Variants in AKAIN1 observed in about 807,000 individuals in gnomAD.
The protein encoded by AKAIN1 is A-kinase anchor protein inhibitor 1.
AKAIN1 carries 3 observed loss-of-function variants against 3.7 expected under a neutral mutation model. That is an observed-to-expected ratio of 0.82 (90% CI 0.37 to 2.12). The LOEUF is 2.12. AKAIN1 is among the 30% of genes most tolerant of loss of function. AKAIN1 has a pLI of 0.06. For synonymous variants in AKAIN1, 31 were observed against 30.8 expected, an observed-to-expected ratio of 1.01 and a Z score of -0.02; for missense variants, 82 against 82.7, an observed-to-expected ratio of 0.99 and a Z score of 0.03.
chr18:5,186,709 G>C (rs1212971374), intron 1 of AKAIN1, among the ~76,000 whole-genome samples: 1 of 152,092 alleles, frequency 6.6e-6, no homozygotes, highest in Non-Finnish European at 1.5e-5. Flanking sequence ...GACATTTATA[G>C]AGCATTCCAC....
intron 1 of AKAIN1, among the ~76,000 whole-genome samples, chr18:5,180,217 C>T (rs1567878000): frequency 6.6e-6 from 1 of 152,138 alleles, no homozygotes; most frequent in African/African-American, 2.4e-5. Context: ...TAGCAGAGTA[C>T]ATAGTTCACA....
At chr18:5,185,740 G>A (rs2071283609) in intron 1 of AKAIN1, among the ~76,000 whole-genome samples, 1 of 152,110 alleles carries the variant, frequency 6.6e-6, no homozygotes, top group South Asian at 2.1e-4. Context: ...ATACACTCCT[G>A]GTAGGAGTGT....
intron 1 of AKAIN1, among the ~76,000 whole-genome samples, chr18:5,187,211 G>GA (rs1322368516): frequency 2.0e-5 from 3 of 151,952 alleles, no homozygotes; most frequent in African/African-American, 4.8e-5. Context: ...TTGAAAACAG[G>GA]AAAAACAATA....
intron 1 of AKAIN1, chr18:5,163,805 G>A (rs550772070): frequency 1.8e-4 from 27 of 152,096 alleles, no homozygotes; most frequent in Non-Finnish European, 3.5e-4. Flanking sequence ...CAGGTGAATC[G>A]ATGTAGAACA....
chr18:5,193,439 C>T (rs536712933), intron 1 of AKAIN1, among the ~76,000 whole-genome samples: 1 of 152,264 alleles, frequency 6.6e-6, no homozygotes, highest in South Asian at 2.1e-4. Context: ...GGGAATGGCC[C>T]AGGGATAAGG....
intron 1 of AKAIN1, among the ~76,000 whole-genome samples, chr18:5,151,389 AAGCAAACCC>A: frequency 1.3e-5 from 2 of 152,266 alleles, no homozygotes; most frequent in East Asian, 3.9e-4. Flanking sequence ...ACTGCAAATA[AAGCAAACCC>A]AGGAGCCCTG....
rs201983484 is a variant in AKAIN1 at position 5,168,871 on chromosome 18, A to C, written c.17-23116T>G. 9.7e-4 allele frequency among the ~76,000 whole-genome samples: 144 copies of C among 148,574 alleles called. 3 individuals carry two copies. In the East Asian group the frequency reaches 0.021, roughly 22 times the overall value. ...TCATATGAGGCAATTCATTAAAAAA[A>C]AAAAAAAAGCAAACAAACAAAAACA... On this transcript the variant is annotated intron_variant, in intron 1 of 1. Coordinates refer to ENST00000434239, the MANE Select transcript of AKAIN1 (RefSeq NM_001145194.2).
At chr18:5,145,794 A>G in intron 1 of AKAIN1, 39 bp from the exon 2 acceptor site, 1 of 1,513,614 alleles carries the variant, frequency 6.6e-7, no homozygotes, top group Non-Finnish European at 9.0e-7. Context: ...AAGGAGAGAA[A>G]TTAATTTCAG....
At chr18:5,197,369 C>A (rs2071355396), upstream of AKAIN1, 3 of 1,253,050 alleles carry the variant, frequency 2.4e-6, no homozygotes, top group South Asian at 2.8e-5. This position sits in a 1 kb window ranked among gnomAD's most constrained non-coding sequence, Gnocchi z 6.9. Flanking sequence ...GCACTTCCAC[C>A]GCTTTCACGC....
intron 1 of AKAIN1, among the ~76,000 whole-genome samples, chr18:5,146,510 G>A (rs549669232): frequency 3.0e-4 from 46 of 152,252 alleles, no homozygotes; most frequent in Admixed American, 5.2e-4. Context: ...ATATAACCTC[G>A]CTGGGGCTGG....
At chr18:5,161,970 T>A (rs901501320) in intron 1 of AKAIN1, among the ~76,000 whole-genome samples, 1 of 152,100 alleles carries the variant, frequency 6.6e-6, no homozygotes, top group African/African-American at 2.4e-5. Context: ...AAGATGGAGC[T>A]CTTCAAGGTT....
At chr18:5,182,514 A>G (rs1200723394) in intron 1 of AKAIN1, among the ~76,000 whole-genome samples, 1 of 152,122 alleles carries the variant, frequency 6.6e-6, no homozygotes, top group Non-Finnish European at 1.5e-5. Context: ...TGAAAGTGAC[A>G]GAAATTAGTT....
intron 1 of AKAIN1, among the ~76,000 whole-genome samples, chr18:5,192,384 A>ATTTTCTTTCTT: frequency 1.0e-5 from 1 of 97,742 alleles, no homozygotes. Flanking sequence ...CACAGAGCTA[A>ATTTTCTTTCTT]TTTTCTTTCT....
intron 1 of AKAIN1, among the ~76,000 whole-genome samples, chr18:5,177,267 T>C (rs956638807): frequency 6.6e-6 from 1 of 152,130 alleles, no homozygotes; most frequent in Non-Finnish European, 1.5e-5. Context: ...CAACCCTATA[T>C]GATAAGAAAG....
At chr18:5,177,150 C>A (rs1351963988) in intron 1 of AKAIN1, among the ~76,000 whole-genome samples, 2 of 151,944 alleles carry the variant, frequency 1.3e-5, no homozygotes, top group African/African-American at 4.8e-5. Context: ...GCAAAGTGAG[C>A]CTTCAATTAA....
At position 5,177,279 on chromosome 18, in the gene AKAIN1, AATT is replaced by A. The variant is rs531632622; in HGVS notation, c.16+19756_16+19758del. On this transcript the variant is annotated intron_variant, in intron 1 of 1. Transcript: ENST00000434239. ...TTGCAACCCTATATGATAAGAAAGAAATTATTATTACTATTCTATAATTAGGTA... is the reference window on the plus strand; with the variant it reads ...TTGCAACCCTATATGATAAGAAAGAAATTATTACTATTCTATAATTAGGTA... 1.2e-4 allele frequency among the ~76,000 whole-genome samples: 18 copies of A among 152,260 alleles called. No individual in the cohort carries two copies. The South Asian group carries it at 3.7e-3, about 32-fold the overall frequency.
chr18:5,185,042 C>A (rs1165288794), intron 1 of AKAIN1, among the ~76,000 whole-genome samples: 1 of 152,156 alleles, frequency 6.6e-6, no homozygotes, highest in South Asian at 2.1e-4. Flanking sequence ...AATATTACTG[C>A]ACACCTACCA....
intron 1 of AKAIN1, among the ~76,000 whole-genome samples, chr18:5,187,826 C>T (rs1416002930): frequency 1.2e-4 from 18 of 152,134 alleles, no homozygotes; most frequent in Admixed American, 1.0e-3. Context: ...CTTATTCCAG[C>T]ATCAATTCAA....
chr18:5,179,355 T>C (rs2071243934), intron 1 of AKAIN1, among the ~76,000 whole-genome samples: 1 of 152,102 alleles, frequency 6.6e-6, no homozygotes, highest in Non-Finnish European at 1.5e-5. Context: ...GTTCCAGTCA[T>C]GTTGCCACAA....
Sources: gnomAD v4.1 joint callset for allele counts (sites outside exome capture counted in the v4.1 genomes callset) on GRCh38, gnomAD v4.1.1 for gene constraint, Gnocchi (gnomAD v3.1) non-coding constraint, MANE v1.5 for transcripts, NCBI Gene and HGNC (gene_info 2026-07-23, HGNC 2026-07-21) for gene names.